FHIT: variants seen among roughly 807,000 people sequenced by gnomAD.
FHIT encodes fragile histidine triad diadenosine triphosphatase.
Under a neutral mutation model 17.9 loss-of-function variants are expected in FHIT, and 19 were observed. The ratio of observed to expected loss-of-function variants is 1.06; its 90% CI spans 0.74 to 1.56. The LOEUF is 1.56. FHIT is among the 40% of genes most tolerant of loss of function. The pLI is 0.00. For missense variants in FHIT, 248 were observed against 189.2 expected (o/e 1.31, Z -1.82); for synonymous variants, 81 against 69.7 (o/e 1.16, Z -0.81).
chr3:60,893,661 C>T (rs1705631674), intron 3 of FHIT, among the ~76,000 whole-genome samples: 3 of 152,274 alleles, frequency 2.0e-5, no homozygotes, highest in South Asian at 4.1e-4. Context: ...TTCTGCTAAG[C>T]TAGGCAACCA....
chr3:60,656,265 C>T (rs1483174104), intron 4 of FHIT, among the ~76,000 whole-genome samples: 1 of 152,134 alleles, frequency 6.6e-6, no homozygotes, highest in African/African-American at 2.4e-5. Flanking sequence ...TATCCCAGAA[C>T]TAGATTTATG....
At chr3:60,106,838 T>C (rs921209242) in intron 5 of FHIT, among the ~76,000 whole-genome samples, 1 of 152,214 alleles carries the variant, frequency 6.6e-6, no homozygotes, top group African/African-American at 2.4e-5. Context: ...GCTCCAATCA[T>C]ACAGTTCCTC....
chr3:59,829,750 C>A (rs756127915), intron 8 of FHIT, among the ~76,000 whole-genome samples: 2 of 152,144 alleles, frequency 1.3e-5, no homozygotes, highest in Non-Finnish European at 2.9e-5. Flanking sequence ...CTCCAGCTCT[C>A]TCTTATTCTG....
intron 4 of FHIT, among the ~76,000 whole-genome samples, chr3:60,819,801 T>C (rs1701863724): frequency 6.6e-6 from 1 of 152,110 alleles, no homozygotes; most frequent in Admixed American, 6.6e-5. Context: ...GAACTCTGAG[T>C]CAGTCTTTGT....
At chr3:60,506,502 C>A (rs73103709) in intron 5 of FHIT, among the ~76,000 whole-genome samples, 13,297 of 152,100 alleles carry the variant, frequency 0.087, 702 homozygotes, top group East Asian at 0.11. Context: ...GTAGATGGCA[C>A]CATTTTCTTC....
At chr3:60,920,712 G>C (rs1307846044) in intron 3 of FHIT, among the ~76,000 whole-genome samples, 2 of 152,026 alleles carry the variant, frequency 1.3e-5, no homozygotes, top group African/African-American at 4.8e-5. Context: ...ACTGCAGCTG[G>C]AGCGGTAGAA....
intron 8 of FHIT, among the ~76,000 whole-genome samples, chr3:59,793,908 T>TA (rs949162371): frequency 2.6e-4 from 40 of 152,238 alleles, no homozygotes; most frequent in African/African-American, 9.1e-4. Flanking sequence ...TGCCTTTAGC[T>TA]AAGGCCCGGC....
At chr3:60,373,310 GA>G (rs1288847405) in intron 5 of FHIT, among the ~76,000 whole-genome samples, 4 of 152,196 alleles carry the variant, frequency 2.6e-5, no homozygotes, top group Non-Finnish European at 5.9e-5. Flanking sequence ...AAGTGACGTT[GA>G]AGCTAAGATA....
chr3:60,318,261 T>C (rs1709257128), intron 5 of FHIT, among the ~76,000 whole-genome samples: 1 of 152,222 alleles, frequency 6.6e-6, no homozygotes, highest in Non-Finnish European at 1.5e-5. Flanking sequence ...GCTTGCCTTT[T>C]TCTTTGGACA....
intron 2 of FHIT, among the ~76,000 whole-genome samples, chr3:61,109,314 C>G (rs2036084738): frequency 6.6e-6 from 1 of 152,122 alleles, no homozygotes; most frequent in African/African-American, 2.4e-5. Flanking sequence ...GCTAAGAATC[C>G]AAGAATGGCC....
At chr3:60,573,936 A>T (rs1343931477) in intron 4 of FHIT, among the ~76,000 whole-genome samples, 1 of 151,812 alleles carries the variant, frequency 6.6e-6, no homozygotes, top group Non-Finnish European at 1.5e-5. Flanking sequence ...CAGCCTCCTG[A>T]GTAGCTGGAA....
chr3:60,971,571 T>C (rs1182457832), intron 3 of FHIT, among the ~76,000 whole-genome samples: 1 of 152,118 alleles, frequency 6.6e-6, no homozygotes, highest in Non-Finnish European at 1.5e-5. Context: ...AAGGGGCTTG[T>C]TGGAACTGAA....
intron 5 of FHIT, among the ~76,000 whole-genome samples, chr3:60,461,543 T>C (rs946148034): frequency 5.3e-5 from 8 of 152,246 alleles, no homozygotes; most frequent in South Asian, 2.1e-4. Context: ...TCATAGGCTA[T>C]GCCGAAGCAG....
chr3:60,071,077 A>T (rs1576027971), intron 5 of FHIT, among the ~76,000 whole-genome samples: 1 of 151,866 alleles, frequency 6.6e-6, no homozygotes, highest in African/African-American at 2.4e-5. Context: ...CTATATTTCC[A>T]CCCTCATCTA....
intron 5 of FHIT, among the ~76,000 whole-genome samples, chr3:60,150,817 G>A (rs1451806563): frequency 1.3e-5 from 2 of 151,976 alleles, no homozygotes; most frequent in Non-Finnish European, 2.9e-5. Context: ...TACTTGGGAG[G>A]CTGAGGTAGG....
intron 4 of FHIT, among the ~76,000 whole-genome samples, chr3:60,644,772 T>C (rs2039814714): frequency 6.6e-6 from 1 of 152,192 alleles, no homozygotes; most frequent in Non-Finnish European, 1.5e-5. Flanking sequence ...GTTGCTTTTG[T>C]ATGGAATCTT....
intron 5 of FHIT, among the ~76,000 whole-genome samples, chr3:60,195,553 A>ATATATATATATT (rs148013554): frequency 0.13 from 18,019 of 136,400 alleles, 1,535 homozygotes; most frequent in East Asian, 0.36. Flanking sequence ...TGTGATATAT[A>ATATATATATATT]TATATATTTA....
At chr3:59,809,583 G>T (rs1338465814) in intron 8 of FHIT, among the ~76,000 whole-genome samples, 2 of 152,162 alleles carry the variant, frequency 1.3e-5, no homozygotes, top group South Asian at 4.1e-4. Context: ...CATGGAAAAG[G>T]CTCTTAGTTC....
At chr3:60,487,550 T>C (rs1277938671) in intron 5 of FHIT, among the ~76,000 whole-genome samples, 1 of 152,200 alleles carries the variant, frequency 6.6e-6, no homozygotes, top group African/African-American at 2.4e-5. Context: ...AGATCTTTGG[T>C]GCAGCAATTA....
Sources: allele counts gnomAD v4.1 joint callset (sites outside exome capture counted in the v4.1 genomes callset), GRCh38; gene constraint gnomAD v4.1.1; transcripts MANE v1.5; gene names NCBI Gene and HGNC (gene_info 2026-07-23, HGNC 2026-07-21).